The following LCLAT1 variants were observed in gnomAD, a reference collection of about 807,000 sequenced individuals.
LCLAT1 encodes lysocardiolipin acyltransferase 1.
In LCLAT1, 11 loss-of-function variants were observed where a neutral mutation model predicts 30.7. That is an observed-to-expected ratio of 0.36 (90% CI 0.23 to 0.59). The LOEUF is 0.59. LCLAT1 is among the 20% of genes least tolerant of loss of function. The pLI, the probability that LCLAT1 is intolerant of heterozygous loss-of-function variation, is 0.77. For synonymous variants in LCLAT1, 155 were observed against 151.3 expected, an observed-to-expected ratio of 1.02 and a Z score of -0.18; for missense variants, 402 against 458.6, an observed-to-expected ratio of 0.88 and a Z score of 1.13.
intron 5 of LCLAT1, among the ~76,000 whole-genome samples, chr2:30,595,932 G>A (rs1014813880): frequency 7.9e-5 from 12 of 152,010 alleles, no homozygotes; most frequent in African/African-American, 2.7e-4. Flanking sequence ...GAGGATAATG[G>A]CTTCCAGCTG....
intron 5 of LCLAT1, among the ~76,000 whole-genome samples, chr2:30,576,588 T>C (rs911980927): frequency 7.9e-5 from 12 of 152,154 alleles, no homozygotes; most frequent in Non-Finnish European, 1.5e-4. Flanking sequence ...GTCTAAACCC[T>C]GTGGACCTTT....
At chr2:30,488,642 T>C (rs1683678427) in intron 1 of LCLAT1, among the ~76,000 whole-genome samples, 1 of 152,252 alleles carries the variant, frequency 6.6e-6, no homozygotes, top group Non-Finnish European at 1.5e-5. Flanking sequence ...AAATAAGTTT[T>C]AGCACTCAAT....
At chr2:30,601,891 C>A (rs1667204541) in intron 5 of LCLAT1, among the ~76,000 whole-genome samples, 1 of 149,514 alleles carries the variant, frequency 6.7e-6, no homozygotes, top group Admixed American at 6.7e-5. Context: ...ATATATATAT[C>A]TATAGATATA....
At chr2:30,506,561 G>C (rs1026308073) in intron 1 of LCLAT1, among the ~76,000 whole-genome samples, 3 of 152,096 alleles carry the variant, frequency 2.0e-5, no homozygotes, top group Non-Finnish European at 4.4e-5. Flanking sequence ...TGAAAGAGGA[G>C]AAAGAGATAG....
chr2:30,615,859 C>T (rs929501217), intron 5 of LCLAT1, among the ~76,000 whole-genome samples: 9 of 152,152 alleles, frequency 5.9e-5, no homozygotes, highest in Admixed American at 2.0e-4. Flanking sequence ...TTGCCGGTTA[C>T]GTCTTCAGAC....
At chr2:30,526,680 G>A (rs1329010036) in intron 2 of LCLAT1, among the ~76,000 whole-genome samples, 2 of 152,098 alleles carry the variant, frequency 1.3e-5, no homozygotes, top group African/African-American at 4.8e-5. Flanking sequence ...TGTTCATCCA[G>A]CAATTTTTTA....
At chr2:30,544,112 G>A (rs914643703) in intron 3 of LCLAT1, among the ~76,000 whole-genome samples, 1 of 152,052 alleles carries the variant, frequency 6.6e-6, no homozygotes, top group African/African-American at 2.4e-5. Flanking sequence ...TTTAGCCCGA[G>A]ACTGAAAGCT....
intron 1 of LCLAT1, among the ~76,000 whole-genome samples, chr2:30,520,703 A>G (rs1375118277): frequency 1.3e-5 from 2 of 152,256 alleles, no homozygotes; most frequent in Non-Finnish European, 2.9e-5. Flanking sequence ...AGGTGTTACT[A>G]TAGTTGAAAT....
intron 5 of LCLAT1, among the ~76,000 whole-genome samples, chr2:30,620,531 T>C (rs1025532168): frequency 3.3e-4 from 50 of 152,200 alleles, no homozygotes; most frequent in Admixed American, 2.8e-3. Context: ...TTCAGACAGA[T>C]TTAGAAAATT....
intron 1 of LCLAT1, among the ~76,000 whole-genome samples, chr2:30,496,777 A>T (rs1042326448): frequency 3.3e-5 from 5 of 152,164 alleles, no homozygotes; most frequent in African/African-American, 1.2e-4. Flanking sequence ...CCTTGAACCT[A>T]ACAAGCACGT....
intron 5 of LCLAT1, among the ~76,000 whole-genome samples, chr2:30,639,294 C>T (rs1035080236): frequency 6.6e-6 from 1 of 152,182 alleles, no homozygotes; most frequent in African/African-American, 2.4e-5. Context: ...GCATGCCTGC[C>T]TCCCCAGTTA....
In LCLAT1 at chr2:30,640,691, G is replaced by T; in HGVS notation, c.*72G>T. 6.7e-7 allele frequency: 1 copy of T among 1,484,976 alleles called. No individual in the cohort carries two copies. The highest frequency in any genetic ancestry group is 1.4e-5 in the South Asian group (1 of 70,804). 92.0% of individuals were successfully genotyped at this position (1,484,976 alleles called of 1,614,324 possible). On this transcript the variant is annotated 3_prime_UTR_variant, in exon 6 of 6. Transcript: ENST00000379509. ...GTTCTAAACCTTTCTAAGCTCAGAT[G>T]CATTTTTGCATGACTATGTCGAATA... is the stretch of plus-strand genomic sequence containing the variant.
rs535310243 is a variant in LCLAT1, at chr2:30,509,932, G to C, written c.-4-15655G>C. The stretch of plus-strand genomic sequence containing the variant: ...ATGTGGAAGCCAAATGTGGCAGGGA[G>C]AGCAGGAATTTTATTAGCACATGGT... On this transcript the variant is annotated intron_variant, in intron 1 of 5. Coordinates refer to ENST00000379509, the MANE Select transcript of LCLAT1 (RefSeq NM_001002257.3). 2.2e-3 allele frequency among the ~76,000 whole-genome samples: 334 copies of C among 152,320 alleles called. 1 individual carries two copies. Among genetic ancestry groups the C allele is most frequent in the African/African-American group, 7.7e-3 (319 of 41,558 alleles).
rs140252314 is a variant in LCLAT1, at chr2:30,545,997, A to T, written c.364+12683A>T. On this transcript the variant is annotated intron_variant, in intron 3 of 5. Coordinates refer to ENST00000379509, the MANE Select transcript of LCLAT1 (RefSeq NM_001002257.3). ...TCCTGATATGACCTCATGATTTCAT[A>T]TTAAATTGTTATATAATTCTGGAAT... is the stretch of plus-strand genomic sequence containing the variant. Among the ~76,000 whole-genome samples, 401 of 152,314 alleles carry T rather than the reference A, an allele frequency of 2.6e-3. 2 individuals are homozygous for T. The highest frequency in any genetic ancestry group is 8.9e-3 in the African/African-American group (372 of 41,574).
intron 1 of LCLAT1, among the ~76,000 whole-genome samples, chr2:30,448,636 A>T (rs1681387887): frequency 6.6e-6 from 1 of 152,226 alleles, no homozygotes; most frequent in African/African-American, 2.4e-5. Context: ...ATTTGAACAC[A>T]TGGTCGTCTG....
chr2:30,510,225 G>T (rs1684875172), intron 1 of LCLAT1, among the ~76,000 whole-genome samples: 1 of 151,722 alleles, frequency 6.6e-6, no homozygotes, highest in African/African-American at 2.4e-5. Flanking sequence ...ATCTCCCTTA[G>T]TCTTTGTTTA....
chr2:30,504,694 C>T (rs911352640), intron 1 of LCLAT1, among the ~76,000 whole-genome samples: 3 of 152,078 alleles, frequency 2.0e-5, no homozygotes, highest in Admixed American at 6.6e-5. Flanking sequence ...TCTTTTTCCT[C>T]TCCCCTTCCT....
At chr2:30,456,151 C>A (rs999779431) in intron 1 of LCLAT1, among the ~76,000 whole-genome samples, 9 of 152,134 alleles carry the variant, frequency 5.9e-5, no homozygotes, top group Non-Finnish European at 7.4e-5. Context: ...AGGAACTGAT[C>A]CATTGACACA....
intron 1 of LCLAT1, among the ~76,000 whole-genome samples, chr2:30,511,618 C>T (rs148063245): frequency 6.6e-6 from 1 of 152,282 alleles, no homozygotes; most frequent in Admixed American, 6.5e-5. Context: ...TGCCAGCCAT[C>T]TGAGAGCTCA....
Sources: allele counts gnomAD v4.1 joint callset (sites outside exome capture counted in the v4.1 genomes callset), GRCh38; gene constraint gnomAD v4.1.1; transcripts MANE v1.5; gene names NCBI Gene and HGNC (gene_info 2026-07-23, HGNC 2026-07-21).